Variants in NRDE2 observed in about 807,000 individuals in gnomAD.
NRDE2 encodes NRDE-2, necessary for RNA interference, domain containing, also known as nuclear exosome regulator NRDE2.
NRDE2 carries 76 observed loss-of-function variants against 124.2 expected under a neutral mutation model. The ratio of observed to expected loss-of-function variants is 0.61; its 90% CI spans 0.51 to 0.74. The LOEUF (loss-of-function observed/expected upper bound fraction) is 0.74, where lower values mean the gene tolerates loss of function less well. Ranked by LOEUF, NRDE2 falls within the 30% of genes least tolerant of loss-of-function variation. The pLI is 0.00. For missense variants in NRDE2, 1,314 were observed against 1,417.3 expected (o/e 0.93, Z 1.17); for synonymous variants, 489 against 528.1 (o/e 0.93, Z 1.01).
chr14:90,298,205 A>G (rs558673897), intron 8 of NRDE2, 55 bp downstream of exon 8: 105 of 1,586,684 alleles, frequency 6.6e-5, no homozygotes, highest in Non-Finnish European at 8.3e-5. Context: ...ATGAGGATGT[A>G]AAAACAAATT....
intron 4 of NRDE2, among the ~76,000 whole-genome samples, chr14:90,307,479 A>G (rs1884651757): frequency 6.6e-6 from 1 of 152,192 alleles, no homozygotes; most frequent in Admixed American, 6.5e-5. Context: ...TAATCCCAGC[A>G]CTTTGAGAGG....
intron 4 of NRDE2, among the ~76,000 whole-genome samples, chr14:90,311,042 GC>G (rs1884817339): frequency 6.6e-6 from 1 of 152,168 alleles, no homozygotes; most frequent in Admixed American, 6.5e-5. Flanking sequence ...AGTTGGAATT[GC>G]TTATGTGGTG....
chr14:90,281,032 C>T (rs976507994), intron 12 of NRDE2: 21 of 152,232 alleles, frequency 1.4e-4, no homozygotes, highest in Non-Finnish European at 2.6e-4. Context: ...CAAGGGCAGT[C>T]TCCCAGAGGG....
chr14:90,284,095 G>C (rs1892031936), intron 12 of NRDE2, among the ~76,000 whole-genome samples: 1 of 152,074 alleles, frequency 6.6e-6, no homozygotes, highest in African/African-American at 2.4e-5. Flanking sequence ...CTGTCCTGAG[G>C]TCACAGGTCC....
chr14:90,318,352 T>C (rs10142085), intron 1 of NRDE2, among the ~76,000 whole-genome samples: 4,044 of 152,304 alleles, frequency 0.027, 193 homozygotes, highest in African/African-American at 0.092. Context: ...GATATCAAAC[T>C]GCAGCTTAAG....
At chr14:90,298,176 C>T (rs1207224592) in intron 8 of NRDE2, 84 bp downstream of exon 8, 3 of 1,422,370 alleles carry the variant, frequency 2.1e-6, no homozygotes, top group Admixed American at 1.9e-5. Context: ...TGATAAATAG[C>T]TTAAGCAGAT....
chr14:90,268,178 G>A lies in NRDE2; in HGVS notation c.*10158C>T, dbSNP rs372416904. On this transcript the variant is annotated 3_prime_UTR_variant, in exon 14 of 14. Coordinates refer to ENST00000354366, the MANE Select transcript of NRDE2 (RefSeq NM_017970.4). ...TGATACGAGTTTTTAAGTTAAAATGGCACTTAAGGTGTCTTTTTTTTTTTT... is the reference window on the plus strand; with the variant it reads ...TGATACGAGTTTTTAAGTTAAAATGACACTTAAGGTGTCTTTTTTTTTTTT... 5.4e-4 allele frequency: 784 copies of A among 1,446,800 alleles called. No individual in the cohort carries two copies. Among genetic ancestry groups the A allele is most frequent in the Non-Finnish European group, 6.9e-4 (750 of 1,084,926 alleles). 89.6% of individuals were successfully genotyped at this position (1,446,800 alleles called of 1,614,324 possible). A position where few individuals can be genotyped will look rare whatever the true frequency, so the allele number is the denominator to read the frequency against.
At position 90,292,727 on chromosome 14, in the gene NRDE2, G is replaced by C. The variant is rs201223128; in HGVS notation, c.1812C>G (p.Thr604=). The C allele has an allele frequency of 1.2e-6, 2 of 1,614,120 alleles. No individual in the cohort carries two copies. The highest frequency in any genetic ancestry group is 2.2e-5 in the East Asian group (1 of 44,872). ...TCTCGGGATCCTCACAGTCTTCCTC[G>C]GTTTGCTTCTTGGTCTTATCAGGGC... is the stretch of plus-strand genomic sequence containing the variant. ...PWRPDKTKKQ[T]EEDCEDPERQ... The change falls in exon 9 of 14, where the codon ACC becomes ACG. Residue 604 remains threonine, a synonymous_variant. Coordinates refer to ENST00000354366, the MANE Select transcript of NRDE2 (RefSeq NM_017970.4).
In NRDE2 at chr14:90,298,203, G is replaced by A. The variant is rs1046248962; in HGVS notation, c.1666+57C>T. On this transcript the variant is annotated intron_variant, in intron 8 of 13. Coordinates refer to ENST00000354366, the MANE Select transcript of NRDE2 (RefSeq NM_017970.4). ...TAAGCAGATAAATAATCATGAGGAT[G>A]TAAAAACAAATTCCAGAAGAAACAG... is the stretch of plus-strand genomic sequence containing the variant. The A allele has an allele frequency of 8.2e-6, 13 of 1,582,212 alleles. No individual in the cohort carries two copies. In the African/African-American group the frequency reaches 1.6e-4, roughly 20 times the overall value.
rs374155683 is a variant in NRDE2 at position 90,331,924 on chromosome 14, G to A, written c.-20C>T. 23 of 1,613,840 alleles carry A rather than the reference G, an allele frequency of 1.4e-5. No homozygotes were observed. Among genetic ancestry groups the A allele is most frequent in the Non-Finnish European group, 1.8e-5 (21 of 1,180,016 alleles). On this transcript the variant is annotated 5_prime_UTR_variant, in exon 1 of 14. It adds an upstream start codon to the 5' untranslated region. Transcript: ENST00000354366. ...CGCCATGACCACAGGCCGTACCTCC[G>A]TTCTTCTCTATAGGGATGGCGCCGG...
chr14:90,329,835 CAAAAA>C (rs1173430522), intron 1 of NRDE2, among the ~76,000 whole-genome samples: 1 of 56,140 alleles, frequency 1.8e-5, no homozygotes, highest in African/African-American at 6.6e-5. Context: ...GAGACTGCCT[CAAAAA>C]AAAAAAAAAA....
chr14:90,291,284 C>T (rs1278774591), intron 9 of NRDE2, among the ~76,000 whole-genome samples: 2 of 152,212 alleles, frequency 1.3e-5, no homozygotes, highest in African/African-American at 4.8e-5. Flanking sequence ...GTCTTTGTGG[C>T]TCTCAGCAAA....
At chr14:90,307,936 T>C (rs1226837090) in intron 4 of NRDE2, among the ~76,000 whole-genome samples, 1 of 152,184 alleles carries the variant, frequency 6.6e-6, no homozygotes, top group African/African-American at 2.4e-5. Flanking sequence ...TTTGTAGAGA[T>C]GCAGCCTCAC....
chr14:90,290,369 T>A lies in NRDE2; in HGVS notation c.2081A>T (p.Asp694Val). Residue 694 changes from aspartate (D) to valine (V), a missense_variant, in exon 10 of 14, where the codon GAT becomes GTT. Asp to Val is a radical substitution (Grantham distance 152). Coordinates refer to ENST00000354366, the MANE Select transcript of NRDE2 (RefSeq NM_017970.4). Reference protein sequence around the residue: ...FSGASCVGRMDRLGYPRWTRG... With the variant: ...FSGASCVGRMVRLGYPRWTRG... ...GGTCCAGCGAGGATAGCCCAACCTATCCATGCGGCCAACACAGCTAGCCCC... is the reference window on the plus strand; with the variant it reads ...GGTCCAGCGAGGATAGCCCAACCTAACCATGCGGCCAACACAGCTAGCCCC... 6.2e-7 allele frequency: 1 copy of A among 1,613,978 alleles called. No individual in the cohort carries two copies. The highest frequency in any genetic ancestry group is 8.5e-7 in the Non-Finnish European group (1 of 1,180,008).
Position 90,276,377 on chromosome 14 carries a change from C to G in NRDE2, c.*1959G>C, listed in dbSNP as rs182060085. The G allele has an allele frequency of 2.6e-5, 4 of 152,004 alleles. No homozygotes were observed. The highest frequency in any genetic ancestry group is 5.9e-5 in the Non-Finnish European group (4 of 68,056). The allele number at this position is 152,004 out of a possible 1,614,324, so 9.4% of individuals were successfully genotyped here. A position where few individuals can be genotyped will look rare whatever the true frequency, so the allele number is the denominator to read the frequency against. On this transcript the variant is annotated 3_prime_UTR_variant, in exon 14 of 14. Transcript: ENST00000354366. The stretch of plus-strand genomic sequence containing the variant: ...GGGACTACAGGCGCCAGCCACCACG[C>G]CCGGCTAATTTTTTGTATTTTTAGT...
rs777910270 is a variant in NRDE2, at chr14:90,288,948, C to T, written c.2427G>A (p.Met809Ile). The T allele has an allele frequency of 8.7e-6, 14 of 1,612,168 alleles. 1 individual carries two copies. The South Asian group carries it at 1.5e-4, about 18-fold the overall frequency. ...ARKVFDTALG[M>I]AGSRELKDSD... The stretch of plus-strand genomic sequence containing the variant: ...AGTCTTTCAGTTCTCTGCTTCCTGC[C>T]ATGCCAAGTGCTGTGTCAAAAACTT... Residue 809 changes from methionine (M) to isoleucine (I), a missense_variant, in exon 11 of 14, where the codon ATG (methionine) becomes ATA (isoleucine). Physicochemically the swap from Met to Ile is conservative, Grantham distance 10. Coordinates refer to ENST00000354366, the MANE Select transcript of NRDE2 (RefSeq NM_017970.4).
rs1891613457 is a variant in NRDE2 at position 90,269,733 on chromosome 14, A to G, written c.*8603T>C. ...AAACAGAGCATGATATGGTCTGTGC[A>G]CCTTGGCCCTTTGAATTCCAGTCTT... On this transcript the variant is annotated 3_prime_UTR_variant, in exon 14 of 14. Transcript: ENST00000354366. 2 of 532,994 alleles carry G rather than the reference A, an allele frequency of 3.8e-6. No homozygotes were observed. The highest frequency in any genetic ancestry group is 6.3e-6 in the Non-Finnish European group (2 of 318,670). The allele number at this position is 532,994 out of a possible 1,614,324, so 33.0% of individuals were successfully genotyped here.
intron 7 of NRDE2, among the ~76,000 whole-genome samples, 168 bp from the exon 8 acceptor site, chr14:90,298,548 T>C (rs1327146225): frequency 6.6e-6 from 1 of 152,180 alleles, no homozygotes. Flanking sequence ...AGAAAAAAGA[T>C]CTATCTAGCG....
chr14:90,297,186 A>G (rs1402436710), intron 8 of NRDE2, among the ~76,000 whole-genome samples: 2 of 151,944 alleles, frequency 1.3e-5, no homozygotes, highest in African/African-American at 4.8e-5. Context: ...CTGAACTGAG[A>G]TTTGCTAAAA....
Sources: gnomAD v4.1 joint callset for allele counts (sites outside exome capture counted in the v4.1 genomes callset) on GRCh38, gnomAD v4.1.1 for gene constraint, MANE v1.5 for transcripts, NCBI Gene and HGNC (gene_info 2026-07-23, HGNC 2026-07-21) for gene names.